QKI: variants seen among roughly 807,000 people sequenced by gnomAD.
QKI encodes QKI, KH domain containing RNA binding.
A neutral mutation model predicts 39.0 loss-of-function variants in QKI; 10 were observed. The observed-to-expected ratio is 0.26, with a 90% CI of 0.16 to 0.43. QKI has a LOEUF of 0.43. QKI is among the 20% of genes least tolerant of loss of function. QKI has a pLI of 1.00. For missense variants in QKI, 218 were observed against 428.0 expected (o/e 0.51, Z 4.33); for synonymous variants, 204 against 155.4 (o/e 1.31, Z -2.33).
At position 163,571,921 on chromosome 6, in the gene QKI, C is replaced by G. The variant is rs1387177717; in HGVS notation, c.*1211C>G. The G allele has an allele frequency of 6.6e-6, 1 of 152,084 alleles. No individual in the cohort carries two copies. Among genetic ancestry groups the G allele is most frequent in the Non-Finnish European group, 1.5e-5 (1 of 68,014 alleles). The allele number at this position is 152,084 out of a possible 1,614,324, so 9.4% of individuals were successfully genotyped here. On this transcript the variant is annotated 3_prime_UTR_variant, in exon 8 of 8. Coordinates refer to ENST00000361752, the MANE Select transcript of QKI (RefSeq NM_006775.3). ...GTGTCTCATAAAGATCAGCTCCTCC[C>G]TCAGAATACAAGTTAATGCATGTTA...
intron 3 of QKI, among the ~76,000 whole-genome samples, chr6:163,488,249 C>G (rs1777800972): frequency 6.6e-6 from 1 of 152,020 alleles, no homozygotes; most frequent in Non-Finnish European, 1.5e-5. Context: ...TGTGATATGA[C>G]AGTCTGCACT....
intron 2 of QKI, among the ~76,000 whole-genome samples, chr6:163,474,312 C>A (rs1392047363): frequency 6.6e-6 from 1 of 151,836 alleles, no homozygotes; most frequent in African/African-American, 2.4e-5. Flanking sequence ...GGTATGCTGA[C>A]CAGTACTGTA....
chr6:163,485,926 G>A (rs1051700682), intron 3 of QKI, among the ~76,000 whole-genome samples: 3 of 152,154 alleles, frequency 2.0e-5, no homozygotes, highest in Non-Finnish European at 4.4e-5. Context: ...AATAGCTGAT[G>A]AGCTAAAAAC....
chr6:163,564,906 A>C, intron 6 of QKI: 1 of 1,376,156 alleles, frequency 7.3e-7, no homozygotes, highest in East Asian at 2.6e-5. Flanking sequence ...TTTTTTCCCC[A>C]GCATTAATAT....
intron 2 of QKI, among the ~76,000 whole-genome samples, chr6:163,472,267 A>C (rs1344340559): frequency 6.6e-6 from 1 of 152,216 alleles, no homozygotes; most frequent in Non-Finnish European, 1.5e-5. Flanking sequence ...GGAAGAAAAA[A>C]TACGTTTATT....
At chr6:163,564,351 G>A in intron 6 of QKI, 1 of 1,112,364 alleles carries the variant, frequency 9.0e-7, no homozygotes, top group Non-Finnish European at 1.1e-6. Flanking sequence ...TAGGCTGTGT[G>A]GTATAGCCAT....
intron 1 of QKI, among the ~76,000 whole-genome samples, chr6:163,426,258 TC>T (rs1276767868): frequency 1.3e-5 from 2 of 151,982 alleles, no homozygotes; most frequent in African/African-American, 2.4e-5. Flanking sequence ...TTTTTTTTTT[TC>T]AAATGACATT....
intron 1 of QKI, among the ~76,000 whole-genome samples, chr6:163,434,746 A>G (rs1789113134): frequency 6.6e-6 from 1 of 152,076 alleles, no homozygotes; most frequent in African/African-American, 2.4e-5. Context: ...AATGTTAATT[A>G]TATAGATAAT....
chr6:163,423,070 G>C (rs1788117274), intron 1 of QKI: 2 of 152,318 alleles, frequency 1.3e-5, no homozygotes, highest in African/African-American at 4.8e-5. Context: ...GGCCGAGGCA[G>C]GTGGATCACG....
At chr6:163,476,456 T>G (rs566217934) in intron 2 of QKI, among the ~76,000 whole-genome samples, 1 of 152,184 alleles carries the variant, frequency 6.6e-6, no homozygotes, top group African/African-American at 2.4e-5. Flanking sequence ...GAGCTTGTGT[T>G]CATGAACAGA....
At chr6:163,442,740 A>G (rs1351782289) in intron 1 of QKI, among the ~76,000 whole-genome samples, 1 of 152,154 alleles carries the variant, frequency 6.6e-6, no homozygotes, top group Non-Finnish European at 1.5e-5. Context: ...TTAGTCTTGA[A>G]TGTATCAGAT....
chr6:163,566,154 A>G, intron 6 of QKI: 2 of 1,392,652 alleles, frequency 1.4e-6, no homozygotes, highest in South Asian at 3.3e-5. Context: ...TTACACAGTA[A>G]TGGTAATTTA....
chr6:163,570,059 C>T (rs1217036705), intron 7 of QKI: 5 of 986,086 alleles, frequency 5.1e-6, no homozygotes, highest in African/African-American at 1.7e-5. Context: ...AGTTTAGTAT[C>T]GCTTTGTATC....
intron 3 of QKI, among the ~76,000 whole-genome samples, chr6:163,511,790 T>C (rs1048138127): frequency 6.6e-6 from 1 of 151,946 alleles, no homozygotes; most frequent in Admixed American, 6.6e-5. Flanking sequence ...GAATCTTATG[T>C]AAAGTCTTCC....
chr6:163,526,286 T>C (rs920016601), intron 3 of QKI, among the ~76,000 whole-genome samples: 1 of 152,208 alleles, frequency 6.6e-6, no homozygotes, highest in African/African-American at 2.4e-5. Flanking sequence ...TTATGTATTT[T>C]CCCCTGGTAT....
intron 2 of QKI, among the ~76,000 whole-genome samples, chr6:163,456,942 A>C (rs1790965829): frequency 6.6e-6 from 1 of 152,086 alleles, no homozygotes. Context: ...TAGAAGAGTG[A>C]ATGTGTTTTG....
chr6:163,486,150 G>C (rs1777663107), intron 3 of QKI, among the ~76,000 whole-genome samples: 1 of 152,148 alleles, frequency 6.6e-6, no homozygotes, highest in South Asian at 2.1e-4. Context: ...GGAAATGGAG[G>C]CTTAAAGAAG....
intron 1 of QKI, among the ~76,000 whole-genome samples, chr6:163,448,435 T>G (rs1374814815): frequency 6.6e-6 from 1 of 150,950 alleles, no homozygotes; most frequent in Non-Finnish European, 1.5e-5. Context: ...CACTTAATAG[T>G]CTGTACTCTA....
chr6:163,473,195 AGATATTGATGATGACTGG>A (rs1792334252), intron 2 of QKI, among the ~76,000 whole-genome samples: 2 of 152,296 alleles, frequency 1.3e-5, no homozygotes, highest in Admixed American at 6.5e-5. Flanking sequence ...GCGTGGTTGC[AGATATTGATGATGACTGG>A]GTCACTGTCT....
Sources: allele counts gnomAD v4.1 joint callset (sites outside exome capture counted in the v4.1 genomes callset), GRCh38; gene constraint gnomAD v4.1.1; transcripts MANE v1.5; gene names NCBI Gene and HGNC (gene_info 2026-07-23, HGNC 2026-07-21).